Variants in SASH1 observed in about 807,000 individuals in gnomAD.
SASH1 encodes SAM and SH3 domain-containing protein 1.
In SASH1, 44 loss-of-function variants were observed where a neutral mutation model predicts 125.2. The observed-to-expected ratio is 0.35, with a 90% CI of 0.28 to 0.45. The LOEUF is 0.45. Among genes scored for constraint, SASH1 ranks in the 20% least tolerant of loss-of-function variants. SASH1 has a pLI of 1.00. For synonymous variants in SASH1, 639 were observed against 649.1 expected, an observed-to-expected ratio of 0.98 and a Z score of 0.24; for missense variants, 1,426 against 1,614.5, an observed-to-expected ratio of 0.88 and a Z score of 2.00.
At chr6:148,447,711 C>CTCCTCCTCTTCCTCCTTT (rs1562418476) in intron 4 of SASH1, among the ~76,000 whole-genome samples, 5 of 96,562 alleles carry the variant, frequency 5.2e-5, no homozygotes, top group Non-Finnish European at 1.3e-4. Context: ...CTTCCTCCTT[C>CTCCTCCTCTTCCTCCTTT]TCCTCCTCCT....
chr6:148,387,660 CTT>C lies in SASH1; in HGVS notation c.157-2472_157-2471del, dbSNP rs1285580952. 7.2e-5 allele frequency among the ~76,000 whole-genome samples: 4 copies of C among 55,850 alleles called. No individual in the cohort carries two copies. The East Asian group carries it at 1.3e-3, about 18-fold the overall frequency. 36.6% of individuals were successfully genotyped at this position (55,850 alleles called of 152,430 possible). A position where few individuals can be genotyped will look rare whatever the true frequency, so the allele number is the denominator to read the frequency against. On this transcript the variant is annotated intron_variant, in intron 1 of 19. Transcript: ENST00000367467. ...TCTTTCTTTCTTTCTTTCTTTCTTT[CTT>C]TCTTTCTTTCTTTCTTTCTTTCTTT...
intron 10 of SASH1, among the ~76,000 whole-genome samples, chr6:148,524,121 A>ATATATATATATATATTTTT (rs1193506716): frequency 2.3e-4 from 29 of 128,592 alleles, no homozygotes; most frequent in East Asian, 1.4e-3. Context: ...ATATATATAT[A>ATATATATATATATATTTTT]TTTTTTTTAA....
intron 1 of SASH1, among the ~76,000 whole-genome samples, chr6:148,344,369 G>A (rs1212953425): frequency 1.3e-5 from 2 of 152,166 alleles, no homozygotes; most frequent in Non-Finnish European, 2.9e-5. Context: ...GGCTCAATAA[G>A]TGTAGCTGTC....
chr6:148,393,713 G>C (rs1178217755), intron 2 of SASH1: 1 of 985,188 alleles, frequency 1.0e-6, no homozygotes, highest in Non-Finnish European at 1.2e-6. Context: ...AAGACAGTCT[G>C]GGGGGAGAAA....
At position 148,548,918 on chromosome 6, in the gene SASH1, A is replaced by C. The variant is rs936441284; in HGVS notation, c.*360A>C. 1 of 195,800 alleles carries C rather than the reference A, an allele frequency of 5.1e-6. No homozygotes were observed. The highest frequency in any genetic ancestry group is 1.0e-5 in the Non-Finnish European group (1 of 95,692). The allele number at this position is 195,800 out of a possible 1,614,324, so 12.1% of individuals were successfully genotyped here. On this transcript the variant is annotated 3_prime_UTR_variant, in exon 20 of 20. Coordinates refer to ENST00000367467, the MANE Select transcript of SASH1 (RefSeq NM_015278.5). ...TAGGGGGCAGCCTGTTCCATTTCTG[A>C]TAGTGCCCTTGCTCTTCTGTCTGTC...
chr6:148,313,589 G>C (rs1360031197), intron 1 of SASH1, among the ~76,000 whole-genome samples: 4 of 152,186 alleles, frequency 2.6e-5, no homozygotes, highest in African/African-American at 9.6e-5. Context: ...ACAAACCTAT[G>C]TCGAGACTTT....
chr6:148,546,328 A>G (rs191233796), intron 19 of SASH1, among the ~76,000 whole-genome samples, 182 bp downstream of exon 19: 8 of 152,360 alleles, frequency 5.3e-5, no homozygotes, highest in Non-Finnish European at 1.2e-4. Flanking sequence ...GAAAGAAAAA[A>G]AAAATGAAAA....
At chr6:148,506,803 C>T (rs1583271553) in intron 8 of SASH1, among the ~76,000 whole-genome samples, 2 of 152,152 alleles carry the variant, frequency 1.3e-5, no homozygotes, top group African/African-American at 4.8e-5. Flanking sequence ...TTTTAAGGAA[C>T]TGTGAGCATA....
intron 8 of SASH1, among the ~76,000 whole-genome samples, chr6:148,506,263 T>C (rs1255014204): frequency 2.6e-5 from 4 of 151,784 alleles, no homozygotes; most frequent in Non-Finnish European, 5.9e-5. Flanking sequence ...CATCTGAGGT[T>C]AGGAGTTTTG....
intron 16 of SASH1, among the ~76,000 whole-genome samples, chr6:148,539,522 A>G (rs1441168233): frequency 6.6e-6 from 1 of 152,172 alleles, no homozygotes; most frequent in Non-Finnish European, 1.5e-5. Flanking sequence ...AAATTGCTGC[A>G]AAGACATTAT....
chr6:148,235,873 C>T, the SASH1 span, among the ~76,000 whole-genome samples: 1 of 152,196 alleles, frequency 6.6e-6, no homozygotes, highest in African/African-American at 2.4e-5. Flanking sequence ...CAAAGTCAAT[C>T]AAACCTTATC....
At chr6:148,405,770 CT>C (rs1309205974) in intron 2 of SASH1, among the ~76,000 whole-genome samples, 2 of 152,198 alleles carry the variant, frequency 1.3e-5, no homozygotes, top group African/African-American at 4.8e-5. Context: ...AGCTGGACCC[CT>C]GACTCCATTT....
chr6:148,452,332 A>G (rs953570560), intron 4 of SASH1, among the ~76,000 whole-genome samples: 2 of 152,184 alleles, frequency 1.3e-5, no homozygotes, highest in Admixed American at 6.5e-5. Context: ...TTGCCACTTC[A>G]TCTTCTGGGC....
At chr6:148,470,710 G>A (rs1778061844) in intron 5 of SASH1, among the ~76,000 whole-genome samples, 1 of 152,208 alleles carries the variant, frequency 6.6e-6, no homozygotes, top group Admixed American at 6.5e-5. Flanking sequence ...GGTGGGTAGA[G>A]GGAGACCCAT....
chr6:148,494,313 C>T (rs752223487), intron 8 of SASH1, among the ~76,000 whole-genome samples: 22 of 152,066 alleles, frequency 1.4e-4, no homozygotes, highest in Non-Finnish European at 2.6e-4. Context: ...TCATCTTTAC[C>T]GTTCAGTAGA....
chr6:148,496,831 C>T (rs1779331485), intron 8 of SASH1, among the ~76,000 whole-genome samples: 2 of 151,780 alleles, frequency 1.3e-5, no homozygotes, highest in African/African-American at 4.8e-5. Flanking sequence ...TATGATTGTA[C>T]CACTGCACTC....
the SASH1 span, among the ~76,000 whole-genome samples, chr6:148,245,322 G>A: frequency 1.9e-4 from 29 of 152,164 alleles, no homozygotes; most frequent in East Asian, 5.8e-4. Context: ...TAATAAAATC[G>A]GTTCTTGGTA....
At chr6:148,440,123 T>C (rs1271757021) in intron 2 of SASH1, 61 bp from the exon 3 acceptor site, 2 of 1,504,616 alleles carry the variant, frequency 1.3e-6, no homozygotes, top group African/African-American at 1.4e-5. Context: ...CATGTCTATT[T>C]GTCTTTCTCG....
chr6:148,517,108 G>A (rs903976151), intron 9 of SASH1, among the ~76,000 whole-genome samples: 1 of 152,166 alleles, frequency 6.6e-6, no homozygotes, highest in Non-Finnish European at 1.5e-5. Flanking sequence ...AAGCCTTTCA[G>A]TTCATACAGC....
Sources: allele counts gnomAD v4.1 joint callset (sites outside exome capture counted in the v4.1 genomes callset), GRCh38; gene constraint gnomAD v4.1.1; transcripts MANE v1.5; gene names NCBI Gene and HGNC (gene_info 2026-07-23, HGNC 2026-07-21).